The following GNL3L variants were observed in gnomAD, a reference collection of about 807,000 sequenced individuals.
The protein encoded by GNL3L is guanine nucleotide-binding protein-like 3-like protein.
A neutral mutation model predicts 42.9 loss-of-function variants in GNL3L; 4 were observed. The observed-to-expected ratio is 0.09, with a 90% confidence interval of 0.05 to 0.21. The LOEUF is 0.21. Ranked by LOEUF, GNL3L falls within the 10% of genes least tolerant of loss-of-function variation. GNL3L has a pLI of 1.00. For synonymous variants in GNL3L, 159 were observed against 176.3 expected (o/e 0.90, Z 0.78); for missense variants, 412 against 481.7 (o/e 0.86, Z 1.36).
chrX:54,640,311 A>G, the GNL3L span, among the ~76,000 whole-genome samples: 1 of 111,646 alleles, frequency 9.0e-6, no homozygotes, highest in East Asian at 2.8e-4. Context: ...CATACATGAC[A>G]TAAAGTTAAG....
At chrX:54,616,764 A>G (rs765218680) in intron 16 of GNL3L, among the ~76,000 whole-genome samples, 1 of 111,628 alleles carries the variant, frequency 9.0e-6, no homozygotes, top group South Asian at 3.8e-4. Flanking sequence ...TGTTAGCCTC[A>G]GGGCCTGGGG....
At chrX:54,532,115 C>T (rs1490554861) in intron 1 of GNL3L, among the ~76,000 whole-genome samples, 1 of 110,604 alleles carries the variant, frequency 9.0e-6, no homozygotes, top group Non-Finnish European at 1.9e-5. Context: ...TATTATCACC[C>T]CATATAGAAA....
chrX:54,601,116 A>G (rs1926001110), intron 16 of GNL3L, among the ~76,000 whole-genome samples: 1 of 111,405 alleles, frequency 9.0e-6, no homozygotes, highest in Admixed American at 9.5e-5. Flanking sequence ...ATATTATATG[A>G]TTCTATTCAT....
rs1409580609 is a variant in GNL3L at position 54,564,039 on chromosome X, C to T, written c.*3437C>T. Among the ~76,000 whole-genome samples, 1 of 109,427 alleles carries T rather than the reference C, an allele frequency of 9.1e-6. No individual in the cohort carries two copies. Among genetic ancestry groups the T allele is most frequent in the Non-Finnish European group, 1.9e-5 (1 of 52,682 alleles). ...GTTGCATCACCCCCCTAAAACTCTC[C>T]AGGCCCTTTTGTAGTCAACTCCTAC... On this transcript the variant is annotated 3_prime_UTR_variant, in exon 16 of 16. Coordinates refer to ENST00000360845, the MANE Select transcript of GNL3L (RefSeq NM_001184819.2).
At chrX:54,644,865 T>C in the GNL3L span, among the ~76,000 whole-genome samples, 1 of 112,078 alleles carries the variant, frequency 8.9e-6, no homozygotes, top group South Asian at 3.7e-4. Context: ...AGAAAATCAT[T>C]GTCTTTTATA....
At chrX:54,532,612 A>G in intron 2 of GNL3L, 27 bp downstream of exon 2, 4 of 1,119,521 alleles carry the variant, frequency 3.6e-6, no homozygotes, top group Non-Finnish European at 4.9e-6. Flanking sequence ...ACCCCTCCCA[A>G]TCCTGTGCTT....
Position 54,563,813 on chromosome X carries a change from A to T in GNL3L, c.*3211A>T, listed in dbSNP as rs2147501295. Among the ~76,000 whole-genome samples, 1 of 111,299 alleles carries T rather than the reference A, an allele frequency of 9.0e-6. No individual in the cohort carries two copies. Among genetic ancestry groups the T allele is most frequent in the South Asian group, 3.8e-4 (1 of 2,631 alleles). ...GGAAAAAAAAAGAGGAAAACAAAAA[A>T]GACGTTGGGAGTGCAGTTTCTCTAC... On this transcript the variant is annotated 3_prime_UTR_variant, in exon 16 of 16. Coordinates refer to ENST00000360845, the MANE Select transcript of GNL3L (RefSeq NM_001184819.2).
chrX:54,634,007 G>A, the GNL3L span, among the ~76,000 whole-genome samples: 30 of 112,501 alleles, frequency 2.7e-4, no homozygotes, highest in African/African-American at 9.0e-4. Context: ...ATCAAGGATC[G>A]TATGTAATGA....
the GNL3L span, among the ~76,000 whole-genome samples, chrX:54,634,176 C>T: frequency 8.9e-6 from 1 of 112,309 alleles, no homozygotes; most frequent in South Asian, 3.7e-4. Flanking sequence ...TTTGGGAAAT[C>T]CTTGGCCATT....
the GNL3L span, among the ~76,000 whole-genome samples, chrX:54,629,427 A>C: frequency 1.8e-5 from 2 of 111,617 alleles, no homozygotes; most frequent in Non-Finnish European, 3.8e-5. Context: ...TATTACACTA[A>C]GGTATGTCCC....
At chrX:54,627,396 T>C in the GNL3L span, among the ~76,000 whole-genome samples, 3 of 110,530 alleles carry the variant, frequency 2.7e-5, no homozygotes, top group African/African-American at 9.8e-5. Context: ...TCTTCTCTCT[T>C]TTTTTTTTCA....
chrX:54,554,346 G>T (rs189511651), intron 13 of GNL3L, among the ~76,000 whole-genome samples: 88 of 111,783 alleles, frequency 7.9e-4, no homozygotes, highest in African/African-American at 2.6e-3. Flanking sequence ...TTCCACATGA[G>T]GAAGCTGAAG....
At chrX:54,571,770 T>C (rs1023294121), downstream of GNL3L, among the ~76,000 whole-genome samples, 2 of 109,770 alleles carry the variant, frequency 1.8e-5, no homozygotes, top group Non-Finnish European at 3.8e-5. Flanking sequence ...TGGAGTTTAT[T>C]GAACTTCTTG....
Position 54,567,098 on chromosome X carries a change from TTTGTATA to T in GNL3L, c.*6498_*6504del, listed in dbSNP as rs1298948067. On this transcript the variant is annotated 3_prime_UTR_variant, in exon 16 of 16. Transcript: ENST00000360845. ...GTCTATGATCCATTTTGAGTCAATT[TTTGTATA>T]TGGTACAAGGTATGAATCTATGCTT... 8.9e-6 allele frequency among the ~76,000 whole-genome samples: 1 copy of T among 111,955 alleles called. No individual in the cohort carries two copies. The highest frequency in any genetic ancestry group is 1.9e-5 in the Non-Finnish European group (1 of 53,269).
intron 16 of GNL3L, among the ~76,000 whole-genome samples, chrX:54,578,762 T>C (rs1173349690): frequency 2.7e-5 from 3 of 112,463 alleles, no homozygotes; most frequent in Non-Finnish European, 5.6e-5. Context: ...AACCTAAGTT[T>C]TTATTCCATT....
intron 16 of GNL3L, among the ~76,000 whole-genome samples, chrX:54,618,846 A>G (rs1004620769): frequency 7.1e-5 from 8 of 112,077 alleles, no homozygotes; most frequent in Non-Finnish European, 1.5e-4. Context: ...ATAGTGAGCT[A>G]TGATTGTGCC....
chrX:54,576,329 C>T (rs68191257), intron 16 of GNL3L, among the ~76,000 whole-genome samples: 14,424 of 111,071 alleles, frequency 0.13, 1,395 homozygotes, highest in African/African-American at 0.34. Context: ...GTTAGTAAAA[C>T]CATTTAAAGC....
intron 16 of GNL3L, among the ~76,000 whole-genome samples, chrX:54,580,231 G>A (rs1925695866): frequency 1.1e-5 from 1 of 94,271 alleles, no homozygotes; most frequent in Admixed American, 1.3e-4. Flanking sequence ...TCCCACCTAT[G>A]AGTGAGAACA....
chrX:54,616,963 A>G (rs1245506973), intron 16 of GNL3L, among the ~76,000 whole-genome samples: 2 of 111,773 alleles, frequency 1.8e-5, no homozygotes, highest in African/African-American at 6.5e-5. Context: ...TAATCCCATG[A>G]TATTGTTTCC....
Sources: gnomAD v4.1 joint callset for allele counts (sites outside exome capture counted in the v4.1 genomes callset) on GRCh38, gnomAD v4.1.1 for gene constraint, MANE v1.5 for transcripts, NCBI Gene and HGNC (gene_info 2026-07-23, HGNC 2026-07-21) for gene names.